GLIPR1L2: variants seen among roughly 807,000 people sequenced by gnomAD.
GLIPR1L2 encodes GLIPR1 like 2.
In GLIPR1L2, 21 loss-of-function variants were observed where a neutral mutation model predicts 28.4. The observed-to-expected ratio is 0.74, with a 90% CI of 0.52 to 1.06. The LOEUF (loss-of-function observed/expected upper bound fraction) is 1.06. Ranked by LOEUF, GLIPR1L2 falls within the 50% of genes least tolerant of loss-of-function variation. The pLI is 0.00. For synonymous variants in GLIPR1L2, 145 were observed against 139.3 expected (o/e 1.04, Z -0.29); for missense variants, 476 against 416.9 (o/e 1.14, Z -1.23).
At chr12:75,410,409 T>C (rs1257419083) in intron 1 of GLIPR1L2, 25 bp from the exon 2 acceptor site, 14 of 1,488,584 alleles carry the variant, frequency 9.4e-6, no homozygotes, top group Admixed American at 2.4e-5. Flanking sequence ...TATTTTGTTC[T>C]CTTTGCTTTT....
chr12:75,418,270 A>G (rs1173434148), intron 3 of GLIPR1L2, among the ~76,000 whole-genome samples: 2 of 152,192 alleles, frequency 1.3e-5, no homozygotes, highest in Non-Finnish European at 2.9e-5. Flanking sequence ...TACTGGCTGG[A>G]TAAAAGTAAA....
intron 1 of GLIPR1L2, among the ~76,000 whole-genome samples, chr12:75,395,848 T>C (rs2045676449): frequency 6.6e-6 from 1 of 152,010 alleles, no homozygotes; most frequent in Admixed American, 6.5e-5. Flanking sequence ...TTCTCTGTTG[T>C]TTTTCTGTTC....
chr12:75,419,529 T>C (rs990087650), intron 3 of GLIPR1L2, among the ~76,000 whole-genome samples: 1 of 152,146 alleles, frequency 6.6e-6, no homozygotes, highest in Non-Finnish European at 1.5e-5. Context: ...TGAAAAACGA[T>C]TGACTAAAAA....
chr12:75,414,231 T>C (rs1193622791), intron 3 of GLIPR1L2, among the ~76,000 whole-genome samples: 1 of 152,034 alleles, frequency 6.6e-6, no homozygotes, highest in Non-Finnish European at 1.5e-5. Flanking sequence ...ACCATATACC[T>C]GGGTGCCTTC....
At chr12:75,398,029 T>A (rs1462039131) in intron 1 of GLIPR1L2, among the ~76,000 whole-genome samples, 24 of 138,222 alleles carry the variant, frequency 1.7e-4, no homozygotes, top group African/African-American at 2.4e-4. Context: ...GCTGTGGATT[T>A]AAAAAAAAAA....
intron 4 of GLIPR1L2, among the ~76,000 whole-genome samples, chr12:75,426,536 C>T (rs2139966249): frequency 6.6e-6 from 1 of 152,290 alleles, no homozygotes; most frequent in East Asian, 1.9e-4. Flanking sequence ...TTATATCTTT[C>T]CTATTTCATT....
At chr12:75,399,454 T>A (rs2045716264) in intron 1 of GLIPR1L2, among the ~76,000 whole-genome samples, 1 of 152,206 alleles carries the variant, frequency 6.6e-6, no homozygotes, top group Non-Finnish European at 1.5e-5. Flanking sequence ...AAAACTATTG[T>A]TGAACTTTGG....
chr12:75,418,824 C>T (rs7967731), intron 3 of GLIPR1L2, among the ~76,000 whole-genome samples: 52,999 of 151,890 alleles, frequency 0.35, 9,612 homozygotes, highest in East Asian at 0.46. Flanking sequence ...GGAATGTTTT[C>T]CCATTTGTTT....
intron 1 of GLIPR1L2, among the ~76,000 whole-genome samples, chr12:75,408,931 A>G (rs1743517807): frequency 2.0e-5 from 3 of 152,014 alleles, no homozygotes; most frequent in South Asian, 2.1e-4. Context: ...GAAGGGAAGT[A>G]GTAGGGAGAT....
In GLIPR1L2 at chr12:75,431,545, T is replaced by C. The variant is rs548603223; in HGVS notation, c.*384T>C. The C allele has an allele frequency of 4.5e-3, 729 of 162,804 alleles. 4 individuals are homozygous for C. The highest frequency in any genetic ancestry group is 0.016 in the African/African-American group (690 of 41,948). The allele number at this position is 162,804 out of a possible 1,614,324, so 10.1% of individuals were successfully genotyped here. ...TTAAATAGTAAGGTGCTTAAGATCATTCCAAGTTCATAACAACCATTGAAT... is the reference window on the plus strand; with the variant it reads ...TTAAATAGTAAGGTGCTTAAGATCACTCCAAGTTCATAACAACCATTGAAT... On this transcript the variant is annotated 3_prime_UTR_variant, in exon 6 of 6. Coordinates refer to ENST00000550916, the MANE Select transcript of GLIPR1L2 (RefSeq NM_001270396.2).
chr12:75,420,832 T>A (rs1001071580), intron 3 of GLIPR1L2, among the ~76,000 whole-genome samples: 1 of 152,216 alleles, frequency 6.6e-6, no homozygotes, highest in Non-Finnish European at 1.5e-5. Flanking sequence ...GGCTGTCTAA[T>A]AGAAATAATG....
intron 1 of GLIPR1L2, among the ~76,000 whole-genome samples, chr12:75,405,379 CTG>C (rs1161237123): frequency 6.6e-6 from 1 of 152,086 alleles, no homozygotes; most frequent in Non-Finnish European, 1.5e-5. Flanking sequence ...TTAAAAGAAA[CTG>C]TTTTGAAGGA....
intron 4 of GLIPR1L2, among the ~76,000 whole-genome samples, chr12:75,429,449 T>C (rs183101448): frequency 1.3e-5 from 2 of 152,322 alleles, no homozygotes; most frequent in East Asian, 3.9e-4. Flanking sequence ...TGCTTTTGAT[T>C]TTACAAGCTT....
At chr12:75,391,875 T>TG (rs1270735107) in intron 1 of GLIPR1L2, among the ~76,000 whole-genome samples, 2 of 100,960 alleles carry the variant, frequency 2.0e-5, no homozygotes, top group Non-Finnish European at 4.3e-5. Context: ...TTTGTTATCT[T>TG]GATTTTTTTT....
At chr12:75,406,971 C>T in intron 1 of GLIPR1L2, among the ~76,000 whole-genome samples, 1 of 151,914 alleles carries the variant, frequency 6.6e-6, no homozygotes, top group Non-Finnish European at 1.5e-5. Context: ...GAGAGTCTCC[C>T]ACACTCAATA....
chr12:75,422,713 G>A (rs1208850935), intron 3 of GLIPR1L2, among the ~76,000 whole-genome samples, 191 bp from the exon 4 acceptor site: 3 of 152,098 alleles, frequency 2.0e-5, no homozygotes, highest in African/African-American at 7.2e-5. Flanking sequence ...ATGGGAATTC[G>A]TTTCAGAAAA....
intron 1 of GLIPR1L2, 161 bp downstream of exon 1, chr12:75,391,511 A>T: frequency 6.5e-7 from 1 of 1,535,230 alleles, no homozygotes; most frequent in Non-Finnish European, 8.7e-7. Flanking sequence ...ACAGAGAAAA[A>T]CTGCGGACAC....
At chr12:75,423,278 GC>G (rs2045997951) in intron 4 of GLIPR1L2, 1 of 1,211,900 alleles carries the variant, frequency 8.3e-7, no homozygotes, top group Non-Finnish European at 1.0e-6. Context: ...CACAGTTTAT[GC>G]CCAAACAGCA....
At chr12:75,422,848 A>T in intron 3 of GLIPR1L2, 56 bp from the exon 4 acceptor site, 1 of 1,383,590 alleles carries the variant, frequency 7.2e-7, no homozygotes, top group Non-Finnish European at 1.0e-6. Context: ...TATTTAAATT[A>T]CATGTAAAAA....
Sources: gnomAD v4.1 joint callset for allele counts (sites outside exome capture counted in the v4.1 genomes callset) on GRCh38, gnomAD v4.1.1 for gene constraint, MANE v1.5 for transcripts, NCBI Gene and HGNC (gene_info 2026-07-23, HGNC 2026-07-21) for gene names.